The following SOX5 variants were observed in gnomAD, a reference collection of about 807,000 sequenced individuals.
SOX5 encodes transcription factor SOX-5.
A neutral mutation model predicts 92.0 loss-of-function variants in SOX5; 9 were observed. That is an observed-to-expected ratio of 0.10 (90% CI 0.06 to 0.17). SOX5 has a LOEUF of 0.17. Among genes scored for constraint, SOX5 ranks in the 10% least tolerant of loss-of-function variants. The pLI is 1.00. For missense variants in SOX5, 642 were observed against 944.5 expected (o/e 0.68, Z 4.20); for synonymous variants, 344 against 336.3 (o/e 1.02, Z -0.25).
chr12:23,981,780 CAATT>C (rs1350781175), intron 4 of SOX5, among the ~76,000 whole-genome samples: 4 of 152,000 alleles, frequency 2.6e-5, no homozygotes, highest in African/African-American at 4.8e-5. Flanking sequence ...AATTAATTAA[CAATT>C]AATTCTTCTA....
chr12:23,829,162 C>T (rs531906055), intron 3 of SOX5, among the ~76,000 whole-genome samples: 9 of 152,030 alleles, frequency 5.9e-5, no homozygotes, highest in Non-Finnish European at 1.0e-4. Context: ...CCAAACAGGC[C>T]TATTTAATTA....
intron 4 of SOX5, among the ~76,000 whole-genome samples, chr12:24,046,505 A>G (rs1957040361): frequency 6.6e-6 from 1 of 152,206 alleles, no homozygotes; most frequent in Non-Finnish European, 1.5e-5. Flanking sequence ...TATTAAATTG[A>G]CATCATTATC....
intron 4 of SOX5, among the ~76,000 whole-genome samples, chr12:24,139,795 G>T (rs954686490): frequency 2.6e-5 from 4 of 152,146 alleles, no homozygotes; most frequent in African/African-American, 9.7e-5. Flanking sequence ...AAACTGCTTG[G>T]GGTGTTAAGA....
At chr12:24,377,463 C>G (rs185972664) in intron 1 of SOX5, among the ~76,000 whole-genome samples, 1 of 152,234 alleles carries the variant, frequency 6.6e-6, no homozygotes, top group African/African-American at 2.4e-5. Flanking sequence ...CTAAAACTAA[C>G]TAAGAATGCA....
chr12:24,346,934 G>A (rs529586991), intron 2 of SOX5, among the ~76,000 whole-genome samples: 2 of 152,092 alleles, frequency 1.3e-5, no homozygotes, highest in Admixed American at 6.6e-5. Flanking sequence ...TGTAAATGAC[G>A]AGTTAATGGG....
intron 4 of SOX5, among the ~76,000 whole-genome samples, chr12:24,061,405 T>A (rs1189823041): frequency 2.0e-5 from 3 of 152,120 alleles, no homozygotes; most frequent in African/African-American, 7.2e-5. Context: ...TTGCCATGTA[T>A]CCACTTTGTA....
intron 1 of SOX5, among the ~76,000 whole-genome samples, chr12:24,432,906 C>A (rs987938907): frequency 1.3e-5 from 2 of 151,976 alleles, no homozygotes; most frequent in African/African-American, 4.8e-5. Flanking sequence ...AAAAACAAAA[C>A]CATTTCTAAA....
chr12:23,916,669 C>G (rs1201231623), intron 1 of SOX5, among the ~76,000 whole-genome samples: 1 of 152,086 alleles, frequency 6.6e-6, no homozygotes, highest in Admixed American at 6.6e-5. Context: ...GTTTTAATTG[C>G]AAACATTGGG....
intron 4 of SOX5, among the ~76,000 whole-genome samples, chr12:24,071,761 A>T (rs2137447936): frequency 6.6e-6 from 1 of 152,278 alleles, no homozygotes; most frequent in South Asian, 2.1e-4. Flanking sequence ...CATAGTACTT[A>T]ATTCATAACA....
chr12:23,934,586 A>G (rs1942150487), intron 1 of SOX5, among the ~76,000 whole-genome samples: 2 of 150,824 alleles, frequency 1.3e-5, no homozygotes, highest in Non-Finnish European at 3.0e-5. Context: ...TCCTGTATAA[A>G]CCACCAGTTT....
chr12:23,949,726 C>G, upstream of SOX5: 1 of 1,255,160 alleles, frequency 8.0e-7, no homozygotes, highest in Non-Finnish European at 1.1e-6. Context: ...CCCCCTCCCT[C>G]CCTCCCTCTC....
intron 2 of SOX5, among the ~76,000 whole-genome samples, chr12:24,308,236 C>T (rs1331029126): frequency 6.6e-6 from 1 of 152,172 alleles, no homozygotes. Context: ...CAAGTGCTGG[C>T]AGGCCACTGT....
At position 23,812,469 on chromosome 12, in the gene SOX5, A is replaced by AT. The variant is rs968505072; in HGVS notation, c.481+33513dup. On this transcript the variant is annotated intron_variant, in intron 3 of 14. Coordinates refer to ENST00000451604, the MANE Select transcript of SOX5 (RefSeq NM_006940.6). ...TTCCAAAGAGAAAACACAGATGGGG[A>AT]TTTTTTTTTTTCCGGAAAGAAACAT... 9.3e-3 allele frequency among the ~76,000 whole-genome samples: 1,369 copies of AT among 147,542 alleles called. 32 individuals are homozygous for AT. Among genetic ancestry groups the AT allele is most frequent in the Admixed American group, 0.044 (655 of 14,748 alleles).
At chr12:24,077,678 A>C (rs1368679711) in intron 4 of SOX5, among the ~76,000 whole-genome samples, 1 of 151,328 alleles carries the variant, frequency 6.6e-6, no homozygotes, top group Non-Finnish European at 1.5e-5. Flanking sequence ...AGCTGCACAC[A>C]ACTTCAAAAG....
intron 4 of SOX5, among the ~76,000 whole-genome samples, chr12:24,187,913 G>T (rs1241884261): frequency 6.6e-6 from 1 of 152,152 alleles, no homozygotes; most frequent in East Asian, 1.9e-4. Context: ...TCACTACTTA[G>T]CAACGGAGTT....
intron 3 of SOX5, among the ~76,000 whole-genome samples, chr12:23,802,030 A>G (rs1010284508): frequency 1.3e-5 from 2 of 152,134 alleles, no homozygotes; most frequent in African/African-American, 4.8e-5. Flanking sequence ...TATTACACGT[A>G]GAACAAACTT....
At chr12:24,074,518 C>T (rs2137491078) in intron 4 of SOX5, among the ~76,000 whole-genome samples, 1 of 147,668 alleles carries the variant, frequency 6.8e-6, no homozygotes, top group Non-Finnish European at 1.5e-5. Context: ...CAGACAGTTG[C>T]AATATGGAAT....
chr12:23,773,586 G>C (rs1443735851), intron 3 of SOX5, among the ~76,000 whole-genome samples: 1 of 152,110 alleles, frequency 6.6e-6, no homozygotes, highest in Non-Finnish European at 1.5e-5. Flanking sequence ...TGGCCAGGCT[G>C]GTCTCAAACT....
At chr12:24,513,154 A>G (rs1314824408) in intron 1 of SOX5, among the ~76,000 whole-genome samples, 1 of 152,222 alleles carries the variant, frequency 6.6e-6, no homozygotes, top group Non-Finnish European at 1.5e-5. Flanking sequence ...GTGTTACCAG[A>G]CGATTTTGCC....
Sources: allele counts gnomAD v4.1 joint callset (sites outside exome capture counted in the v4.1 genomes callset), GRCh38; gene constraint gnomAD v4.1.1; transcripts MANE v1.5; gene names NCBI Gene and HGNC (gene_info 2026-07-23, HGNC 2026-07-21).